OOSP4B: variants seen among roughly 807,000 people sequenced by gnomAD.
OOSP4B encodes oocyte secreted protein family member 4B, also known as oocyte-secreted protein 4B.
chr11:60,021,390 G>A (rs904865858), intron 1 of OOSP4B: 1 of 152,122 alleles, frequency 6.6e-6, no homozygotes, highest in East Asian at 1.9e-4. Context: ...TGTGAATAGA[G>A]AATAATTAAC....
intron 2 of OOSP4B, among the ~76,000 whole-genome samples, chr11:60,024,305 T>G (rs1022240133): frequency 3.9e-5 from 6 of 152,144 alleles, no homozygotes; most frequent in Non-Finnish European, 7.4e-5. Flanking sequence ...TTTGGGAGGC[T>G]GGGGTGGGTG....
chr11:60,021,238 G>A (rs1854688025), intron 1 of OOSP4B, among the ~76,000 whole-genome samples: 1 of 152,212 alleles, frequency 6.6e-6, no homozygotes, highest in African/African-American at 2.4e-5. Context: ...CAATAGGTTA[G>A]AGATGAGATC....
intron 1 of OOSP4B, among the ~76,000 whole-genome samples, chr11:60,021,059 T>C (rs1854686573): frequency 6.6e-6 from 1 of 152,212 alleles, no homozygotes; most frequent in Non-Finnish European, 1.5e-5. Flanking sequence ...ATTGAATGAA[T>C]GGCTATGTGA....
At chr11:60,019,363 A>G in intron 1 of OOSP4B, 1 of 167,532 alleles carries the variant, frequency 6.0e-6, no homozygotes. Context: ...AAAATACAAA[A>G]ATTAGCCAGG....
At chr11:60,019,668 C>A (rs1317822556) in intron 1 of OOSP4B, 2 of 152,538 alleles carry the variant, frequency 1.3e-5, no homozygotes, top group African/African-American at 4.8e-5. Flanking sequence ...GGGAGCGAAG[C>A]TGCAGACCTT....
chr11:60,028,876 A>C (rs575167014), intron 3 of OOSP4B, among the ~76,000 whole-genome samples: 4 of 152,276 alleles, frequency 2.6e-5, no homozygotes, highest in African/African-American at 9.6e-5. Flanking sequence ...TGGGTCTATC[A>C]TGAACATCAG....
chr11:60,026,073 C>T (rs1052115739), intron 3 of OOSP4B, among the ~76,000 whole-genome samples: 1 of 152,082 alleles, frequency 6.6e-6, no homozygotes, highest in Admixed American at 6.5e-5. Flanking sequence ...TCTTAAAGAC[C>T]AGGACTTTGT....
At chr11:60,023,499 G>A (rs141097040) in intron 1 of OOSP4B, among the ~76,000 whole-genome samples, 3,822 of 152,174 alleles carry the variant, frequency 0.025, 116 homozygotes, top group African/African-American at 0.072. Flanking sequence ...CAGTGGCATG[G>A]TCTCGACTCA....
chr11:60,020,336 C>T (rs116124946), intron 1 of OOSP4B, among the ~76,000 whole-genome samples: 1,835 of 152,198 alleles, frequency 0.012, 30 homozygotes, highest in African/African-American at 0.042. Context: ...AGGCTCCTGC[C>T]GCTGCAGGAG....
intron 1 of OOSP4B, among the ~76,000 whole-genome samples, chr11:60,018,063 A>G (rs1377769864): frequency 6.6e-6 from 1 of 152,206 alleles, no homozygotes; most frequent in East Asian, 1.9e-4. Context: ...TCTTAAAATA[A>G]GATGATGAGA....
intron 1 of OOSP4B, chr11:60,022,424 T>C (rs1312440583): frequency 4.6e-5 from 7 of 152,234 alleles, no homozygotes; most frequent in African/African-American, 1.4e-4. Context: ...GAATAACTTA[T>C]GCTATTAATC....
chr11:60,025,638 C>A (rs548190862), intron 3 of OOSP4B, among the ~76,000 whole-genome samples: 1 of 152,132 alleles, frequency 6.6e-6, no homozygotes, highest in Non-Finnish European at 1.5e-5. Flanking sequence ...TGGTATATTT[C>A]ATTAGATACG....
chr11:60,017,596 G>GT (rs1854640781), intron 1 of OOSP4B, among the ~76,000 whole-genome samples, 183 bp downstream of exon 1: 1 of 151,948 alleles, frequency 6.6e-6, no homozygotes, highest in Non-Finnish European at 1.5e-5. Context: ...AGGGCTGCCT[G>GT]TTTCTATTAC....
intron 1 of OOSP4B, among the ~76,000 whole-genome samples, chr11:60,018,409 A>G (rs546640604): frequency 6.6e-6 from 1 of 152,302 alleles, no homozygotes; most frequent in Non-Finnish European, 1.5e-5. Context: ...ACATTCTGCA[A>G]TGTATAGCCA....
intron 3 of OOSP4B, among the ~76,000 whole-genome samples, chr11:60,025,646 A>G (rs1854740485): frequency 6.6e-6 from 1 of 152,192 alleles, no homozygotes; most frequent in South Asian, 2.1e-4. Flanking sequence ...TTCATTAGAT[A>G]CGTATTATTT....
chr11:60,031,036 T>G (rs1289872344), exon 5 of OOSP4B: 1 of 382,896 alleles, frequency 2.6e-6, no homozygotes, highest in Non-Finnish European at 4.6e-6. Flanking sequence ...TAATTTTAAG[T>G]GAAATTGCCA....
intron 1 of OOSP4B, among the ~76,000 whole-genome samples, chr11:60,020,141 T>C (rs1386712879): frequency 2.0e-5 from 3 of 152,206 alleles, no homozygotes; most frequent in Admixed American, 6.5e-5. Context: ...ATCCCTTAGC[T>C]AGACATAAAG....
intron 1 of OOSP4B, among the ~76,000 whole-genome samples, 189 bp from the exon 2 acceptor site, chr11:60,023,691 C>A (rs1319731998): frequency 6.6e-6 from 1 of 152,212 alleles, no homozygotes; most frequent in Non-Finnish European, 1.5e-5. Flanking sequence ...GCCTCGGCCT[C>A]CCAGAATGCT....
chr11:60,020,924 A>T (rs1205092163), intron 1 of OOSP4B, among the ~76,000 whole-genome samples: 2 of 152,198 alleles, frequency 1.3e-5, no homozygotes, highest in Non-Finnish European at 2.9e-5. Flanking sequence ...AACAAAACCT[A>T]GCTCCTGCTC....
Sources: allele counts gnomAD v4.1 joint callset (sites outside exome capture counted in the v4.1 genomes callset), GRCh38; gene constraint gnomAD v4.1.1; transcripts MANE v1.5; gene names NCBI Gene and HGNC (gene_info 2026-07-23, HGNC 2026-07-21).